The following PCDH7 variants were observed in gnomAD, a reference collection of about 807,000 sequenced individuals.
The protein encoded by PCDH7 is protocadherin-7.
Under a neutral mutation model 58.9 loss-of-function variants are expected in PCDH7, and 17 were observed. That is an observed-to-expected ratio of 0.29 (90% CI 0.20 to 0.43). The LOEUF (loss-of-function observed/expected upper bound fraction) is 0.43, where lower values mean the gene tolerates loss of function less well. Ranked by LOEUF, PCDH7 falls within the 20% of genes least tolerant of loss-of-function variation. The probability of loss-of-function intolerance (pLI) is 1.00; values close to 1 mark genes in which losing one functional copy is unlikely to be tolerated. For synonymous variants in PCDH7, 664 were observed against 616.4 expected (o/e 1.08, Z -1.14); for missense variants, 1,274 against 1,441.0 (o/e 0.88, Z 1.88).
At chr4:30,898,585 T>A (rs112665757) in intron 1 of PCDH7, among the ~76,000 whole-genome samples, 50 of 152,038 alleles carry the variant, frequency 3.3e-4, no homozygotes, top group African/African-American at 1.0e-3. Context: ...GAGGTGTAGA[T>A]GGAGCTGAAA....
At chr4:30,852,111 A>T (rs1434857405) in intron 1 of PCDH7, among the ~76,000 whole-genome samples, 1 of 152,130 alleles carries the variant, frequency 6.6e-6, no homozygotes, top group African/African-American at 2.4e-5. Flanking sequence ...TTTCTTATGT[A>T]AGAAGGATTG....
chr4:31,142,728 T>C (rs1720415435), exon 4 of PCDH7: 1 of 1,367,496 alleles, frequency 7.3e-7, no homozygotes, highest in African/African-American at 1.5e-5. Context: ...TATGAGACCT[T>C]CAGTGCAGCT....
At chr4:31,088,460 G>A (rs1712765829) in intron 3 of PCDH7, among the ~76,000 whole-genome samples, 1 of 151,888 alleles carries the variant, frequency 6.6e-6, no homozygotes, top group African/African-American at 2.4e-5. Flanking sequence ...CTTTCCCTGG[G>A]CCTTTCTTTA....
At chr4:31,013,456 A>G (rs1442490576) in intron 3 of PCDH7, among the ~76,000 whole-genome samples, 6 of 150,350 alleles carry the variant, frequency 4.0e-5, no homozygotes, top group Admixed American at 3.3e-4. Flanking sequence ...TTCATATATT[A>G]TATATAATAT....
chr4:30,905,381 C>A (rs568655376), intron 1 of PCDH7, among the ~76,000 whole-genome samples: 11 of 151,826 alleles, frequency 7.2e-5, no homozygotes, highest in Admixed American at 4.6e-4. Context: ...GCGTCTGGAA[C>A]TCCATGGTTC....
chr4:30,990,204 A>C (rs1751350340), intron 3 of PCDH7, among the ~76,000 whole-genome samples: 1 of 151,978 alleles, frequency 6.6e-6, no homozygotes, highest in African/African-American at 2.4e-5. Flanking sequence ...TTGTGCCTAA[A>C]GAGGAAAAAA....
intron 1 of PCDH7, among the ~76,000 whole-genome samples, chr4:30,748,978 T>C (rs1002411352): frequency 7.2e-5 from 11 of 152,186 alleles, no homozygotes; most frequent in Non-Finnish European, 1.3e-4. Context: ...CTATGTCATA[T>C]GACCTTTTTT....
intron 1 of PCDH7, among the ~76,000 whole-genome samples, chr4:30,818,663 A>G (rs1376263547): frequency 6.6e-6 from 1 of 152,214 alleles, no homozygotes; most frequent in Non-Finnish European, 1.5e-5. Context: ...AGAATCTGGA[A>G]CACCAATTTC....
chr4:30,975,913 C>G (rs1750025984), intron 3 of PCDH7, among the ~76,000 whole-genome samples: 2 of 152,194 alleles, frequency 1.3e-5, no homozygotes, highest in Admixed American at 1.3e-4. Context: ...TTATGTCCTT[C>G]AATATCTTTC....
intron 3 of PCDH7, among the ~76,000 whole-genome samples, chr4:31,089,411 GA>G (rs1712927164): frequency 6.6e-6 from 1 of 151,888 alleles, no homozygotes; most frequent in African/African-American, 2.4e-5. Context: ...AAAATGCCAA[GA>G]AAATTTTTTT....
At chr4:31,091,600 C>G (rs1029577479) in intron 3 of PCDH7, among the ~76,000 whole-genome samples, 1 of 151,622 alleles carries the variant, frequency 6.6e-6, no homozygotes, top group Non-Finnish European at 1.5e-5. Flanking sequence ...ATGAACCATA[C>G]TATTATGTAT....
intron 1 of PCDH7, among the ~76,000 whole-genome samples, chr4:30,779,541 A>G (rs961714958): frequency 6.6e-6 from 1 of 152,234 alleles, no homozygotes; most frequent in African/African-American, 2.4e-5. Flanking sequence ...AAAGATAGTT[A>G]TATTCAACTT....
chr4:31,076,202 T>C (rs1321686312), intron 3 of PCDH7, among the ~76,000 whole-genome samples: 2 of 152,322 alleles, frequency 1.3e-5, no homozygotes, highest in Non-Finnish European at 1.5e-5. Context: ...GTCTGAAGGA[T>C]CAGCTCTGGC....
In PCDH7 at chr4:31,112,997, T is replaced by C. The variant is rs74403487; in HGVS notation, c.*8-29476T>C. Among the ~76,000 whole-genome samples, 40 of 152,272 alleles carry C rather than the reference T, an allele frequency of 2.6e-4. 1 individual carries two copies. The East Asian group carries it at 6.6e-3, about 25-fold the overall frequency. ...TCCTGTTTAGATGAAAGCTGATTCA[T>C]TTTTTTCAGGTCTTCTTTGTGCTCC... On this transcript the variant is annotated intron_variant, in intron 3 of 3. Coordinates refer to the PCDH7 transcript ENST00000509759.
intron 1 of PCDH7, among the ~76,000 whole-genome samples, chr4:30,749,446 C>G (rs938290318): frequency 6.6e-6 from 1 of 152,062 alleles, no homozygotes; most frequent in Non-Finnish European, 1.5e-5. Context: ...AACTCTGAAA[C>G]GCATTAAGCA....
At chr4:30,957,982 T>G (rs1469642398) in intron 3 of PCDH7, among the ~76,000 whole-genome samples, 3 of 152,114 alleles carry the variant, frequency 2.0e-5, no homozygotes, top group Non-Finnish European at 4.4e-5. Context: ...ACACTTGAAC[T>G]TAAGAAAATT....
rs567372657 is a variant in PCDH7, at chr4:30,730,865, C to A, written c.*77C>A. 6 of 1,500,714 alleles carry A rather than the reference C, an allele frequency of 4.0e-6. No individual in the cohort carries two copies. In the South Asian group the frequency reaches 7.0e-5, roughly 18 times the overall value. The allele number at this position is 1,500,714 out of a possible 1,614,324, so 93.0% of individuals were successfully genotyped here. A position where few individuals can be genotyped will look rare whatever the true frequency, so the allele number is the denominator to read the frequency against. ...TACTCCGAAACCTGCTGGAGCCTGCCCTTGGCCGTGGGGTGTCAGCCAATC... is the reference window on the plus strand; with the variant it reads ...TACTCCGAAACCTGCTGGAGCCTGCACTTGGCCGTGGGGTGTCAGCCAATC... On this transcript the variant is annotated 3_prime_UTR_variant, in exon 2 of 2. Transcript: ENST00000361762.
intron 3 of PCDH7, among the ~76,000 whole-genome samples, chr4:31,053,802 T>C (rs947367428): frequency 3.9e-5 from 6 of 152,234 alleles, no homozygotes; most frequent in Middle Eastern, 3.4e-3. Context: ...TTACATATTA[T>C]GATTCTTTTG....
intron 3 of PCDH7, among the ~76,000 whole-genome samples, chr4:30,984,702 T>C (rs1750828193): frequency 6.6e-6 from 1 of 152,158 alleles, no homozygotes; most frequent in Non-Finnish European, 1.5e-5. Context: ...AGTTTGCTGC[T>C]TCTATGACAA....
Sources: allele counts gnomAD v4.1 joint callset (sites outside exome capture counted in the v4.1 genomes callset), GRCh38; gene constraint gnomAD v4.1.1; transcripts MANE v1.5; gene names NCBI Gene and HGNC (gene_info 2026-07-23, HGNC 2026-07-21).